CCDC178: variants seen among roughly 807,000 people sequenced by gnomAD.
CCDC178 encodes the protein coiled-coil domain-containing protein 178.
Under a neutral mutation model 117.4 loss-of-function variants are expected in CCDC178, and 126 were observed. That is an observed-to-expected ratio of 1.07 (90% CI 0.93 to 1.24). CCDC178 has a LOEUF of 1.24. CCDC178 is among the 50% of genes most tolerant of loss of function. The pLI is 0.00. For synonymous variants in CCDC178, 283 were observed against 313.4 expected, an observed-to-expected ratio of 0.90 and a Z score of 1.02; for missense variants, 1,030 against 986.9, an observed-to-expected ratio of 1.04 and a Z score of -0.59.
At position 33,323,591 on chromosome 18, in the gene CCDC178, C is replaced by A; in HGVS notation, c.922G>T (p.Ala308Ser). 6.4e-7 allele frequency: 1 copy of A among 1,558,520 alleles called. No individual in the cohort carries two copies. Among genetic ancestry groups the A allele is most frequent in the South Asian group, 1.2e-5 (1 of 80,962 alleles). Residue 308 changes from alanine (A) to serine (S), a missense_variant, in exon 11 of 23, where the codon GCT becomes TCT. Transcript: ENST00000383096. ...CTGGCATTTTCACAGGCTTCTAAAGCTTCTTCAAGTTCTTCATTAACTTTT... is the reference window on the plus strand; with the variant it reads ...CTGGCATTTTCACAGGCTTCTAAAGATTCTTCAAGTTCTTCATTAACTTTT... The part of the protein sequence containing the change: ...HRKVNEELEE[A>S]LEACENARLK...
At chr18:33,126,997 A>AAATATAT (rs71266914) in intron 20 of CCDC178, among the ~76,000 whole-genome samples, 20 of 141,182 alleles carry the variant, frequency 1.4e-4, no homozygotes, top group African/African-American at 5.2e-4. Context: ...AAAAAAAAAA[A>AAATATAT]ATATATATAT....
intron 5 of CCDC178, among the ~76,000 whole-genome samples, chr18:33,379,307 C>T (rs1316623464): frequency 6.6e-6 from 1 of 151,170 alleles, no homozygotes; most frequent in Non-Finnish European, 1.5e-5. Context: ...GGTTCTATAG[C>T]GCTATGCACC....
chr18:33,265,429 T>C (rs2059800829), intron 14 of CCDC178, among the ~76,000 whole-genome samples: 1 of 152,026 alleles, frequency 6.6e-6, no homozygotes, highest in African/African-American at 2.4e-5. Flanking sequence ...GTATCACATG[T>C]ACATATGACA....
chr18:33,389,624 C>A lies in CCDC178; in HGVS notation c.124G>T (p.Ala42Ser). The change falls in exon 5 of 23, where the codon GCC becomes TCC. Residue 42 changes from alanine (A) to serine (S), a missense_variant. Ala to Ser is a moderately conservative substitution (Grantham distance 99). Coordinates refer to ENST00000383096, the MANE Select transcript of CCDC178 (RefSeq NM_001105528.4). ...TATAGAACCAAACTTTGAGACATGG[C>A]ATTGCCTTTTAAAAAGAAAAAATAC... ...KAWSRTNEGNAMSQSLVLYGA... is the reference protein window; with the variant it reads ...KAWSRTNEGNSMSQSLVLYGA... The A allele has an allele frequency of 6.8e-7, 1 of 1,478,052 alleles. No homozygotes were observed. The highest frequency in any genetic ancestry group is 9.0e-7 in the Non-Finnish European group (1 of 1,113,054). 91.6% of individuals were successfully genotyped at this position (1,478,052 alleles called of 1,614,324 possible).
intron 3 of CCDC178, among the ~76,000 whole-genome samples, chr18:33,398,136 A>G (rs1051910940): frequency 9.9e-5 from 15 of 152,012 alleles, no homozygotes; most frequent in African/African-American, 3.6e-4. Context: ...TGTAGTGGAG[A>G]GAGGGCCTTG....
chr18:33,147,005 G>A (rs2144322699), intron 20 of CCDC178, among the ~76,000 whole-genome samples: 1 of 152,192 alleles, frequency 6.6e-6, no homozygotes, highest in East Asian at 1.9e-4. Context: ...CCTGATCCTG[G>A]CATATTCCAC....
intron 21 of CCDC178, among the ~76,000 whole-genome samples, chr18:33,035,520 A>G (rs1338263052): frequency 1.3e-5 from 2 of 152,016 alleles, no homozygotes; most frequent in Non-Finnish European, 2.9e-5. Context: ...GATTAAAATA[A>G]ACAAATATTG....
intron 18 of CCDC178, among the ~76,000 whole-genome samples, chr18:33,217,530 A>AT (rs959481142): frequency 1.9e-4 from 28 of 151,006 alleles, no homozygotes; most frequent in East Asian, 3.9e-4. Flanking sequence ...ATATTTTTAG[A>AT]TTTTTTTTTA....
chr18:33,179,360 A>C (rs775964321), intron 20 of CCDC178, among the ~76,000 whole-genome samples: 1 of 151,330 alleles, frequency 6.6e-6, no homozygotes, highest in Non-Finnish European at 1.5e-5. Context: ...TTCTCTTTTC[A>C]GAGTAATTTC....
At position 32,986,942 on chromosome 18, in the gene CCDC178, T is replaced by C. The variant is rs751421741; in HGVS notation, c.2389-12261A>G. The stretch of plus-strand genomic sequence containing the variant: ...AAGTATATTTTAAATTAAATATGCA[T>C]GGTCTATTTAAAGTATAATAAAAAT... On this transcript the variant is annotated intron_variant, in intron 21 of 22. Transcript: ENST00000383096. Among the ~76,000 whole-genome samples the C allele has an allele frequency of 8.3e-4, 126 of 151,988 alleles. 2 individuals are homozygous for C. Among genetic ancestry groups the C allele is most frequent in the Non-Finnish European group, 2.8e-4 (19 of 67,898 alleles).
Position 33,267,250 on chromosome 18 carries a change from T to C in CCDC178, c.1224A>G (p.Lys408=). Residue 408 remains lysine (K), a synonymous_variant, in exon 13 of 23, where the codon AAA becomes AAG. Transcript: ENST00000383096. ...RVYDQLTWKQ[K]SHENQYLEAV... ...CTTCCAGATACTGATTTTCATGACTTTTTTGCTTCCAGGTTAGTTGGTCAT... is the reference window on the plus strand; with the variant it reads ...CTTCCAGATACTGATTTTCATGACTCTTTTGCTTCCAGGTTAGTTGGTCAT... The C allele has an allele frequency of 6.2e-7, 1 of 1,606,006 alleles. No individual in the cohort carries two copies. The highest frequency in any genetic ancestry group is 8.5e-7 in the Non-Finnish European group (1 of 1,177,388).
chr18:33,067,223 A>G (rs1323756903), intron 21 of CCDC178, among the ~76,000 whole-genome samples: 1 of 152,232 alleles, frequency 6.6e-6, no homozygotes, highest in Non-Finnish European at 1.5e-5. Flanking sequence ...GTGCAAATAC[A>G]TAGAAATTAA....
In CCDC178 at chr18:33,440,315, C is replaced by A. The variant is rs1442813735; in HGVS notation, c.-142-234G>T. Among the ~76,000 whole-genome samples the A allele has an allele frequency of 3.5e-4, 3 of 8,534 alleles. No individual in the cohort carries two copies. In the East Asian group the frequency reaches 9.0e-3, roughly 26 times the overall value. 5.6% of individuals were successfully genotyped at this position (8,534 alleles called of 152,430 possible). A position where few individuals can be genotyped will look rare whatever the true frequency, so the allele number is the denominator to read the frequency against. On this transcript the variant is annotated intron_variant, in intron 1 of 22. Coordinates refer to ENST00000383096, the MANE Select transcript of CCDC178 (RefSeq NM_001105528.4). ...ACTGGGGGACTGGGGGACTGGGGGA[C>A]TGGGGGACTGGGGGACTGGGGGACT...
At chr18:33,108,028 A>G (rs2057731000) in intron 20 of CCDC178, among the ~76,000 whole-genome samples, 1 of 151,636 alleles carries the variant, frequency 6.6e-6, no homozygotes, top group Non-Finnish European at 1.5e-5. Flanking sequence ...ATTTTTGTCA[A>G]AAGACTTAGG....
chr18:33,091,324 CTTTTTTTTTTTTTTTTTT>C (rs746505005), intron 21 of CCDC178, among the ~76,000 whole-genome samples: 10 of 43,882 alleles, frequency 2.3e-4, no homozygotes, highest in Non-Finnish European at 4.1e-4. Context: ...TTATTTCATT[CTTTTTTTTTTTTTTTTTT>C]TTTTTTTTTT....
At chr18:33,302,739 A>G (rs1351884613) in intron 11 of CCDC178, among the ~76,000 whole-genome samples, 1 of 152,230 alleles carries the variant, frequency 6.6e-6, no homozygotes, top group Non-Finnish European at 1.5e-5. Flanking sequence ...TATTACGTTA[A>G]TGAAATAAGA....
At chr18:33,128,414 C>T (rs2144245095) in intron 20 of CCDC178, among the ~76,000 whole-genome samples, 1 of 152,082 alleles carries the variant, frequency 6.6e-6, no homozygotes, top group South Asian at 2.1e-4. Context: ...TGTGGGAAAC[C>T]TGGAAGAGTT....
intron 2 of CCDC178, among the ~76,000 whole-genome samples, chr18:33,433,702 T>G (rs2064250449): frequency 6.6e-6 from 1 of 152,192 alleles, no homozygotes; most frequent in African/African-American, 2.4e-5. Flanking sequence ...AATAAAACGC[T>G]AAGGTTTCCT....
intron 20 of CCDC178, among the ~76,000 whole-genome samples, chr18:33,117,186 C>T (rs1004521544): frequency 3.3e-5 from 5 of 152,054 alleles, no homozygotes; most frequent in African/African-American, 1.2e-4. Flanking sequence ...TTAAAATTTA[C>T]CAAAAGGTCA....
Sources: gnomAD v4.1 joint callset for allele counts (sites outside exome capture counted in the v4.1 genomes callset) on GRCh38, gnomAD v4.1.1 for gene constraint, MANE v1.5 for transcripts, NCBI Gene and HGNC (gene_info 2026-07-23, HGNC 2026-07-21) for gene names.